ABCB4: variants seen among roughly 807,000 people sequenced by gnomAD.
The protein encoded by ABCB4 is ATP binding cassette subfamily B member 4.
A neutral mutation model predicts 145.7 loss-of-function variants in ABCB4; 76 were observed. The ratio of observed to expected loss-of-function variants is 0.52; its 90% CI spans 0.43 to 0.63. The LOEUF (loss-of-function observed/expected upper bound fraction) is 0.63. Ranked by LOEUF, ABCB4 falls within the 30% of genes least tolerant of loss-of-function variation. The pLI, the probability that ABCB4 is intolerant of heterozygous loss-of-function variation, is 0.00. For missense variants in ABCB4, 1,234 were observed against 1,553.1 expected (o/e 0.79, Z 3.45); for synonymous variants, 517 against 566.8 (o/e 0.91, Z 1.25).
the ABCB4 span, among the ~76,000 whole-genome samples, chr7:87,366,791 T>G: frequency 6.6e-6 from 1 of 152,176 alleles, no homozygotes; most frequent in African/African-American, 2.4e-5. Context: ...TTGTCTTTTC[T>G]CTACATATCA....
Position 87,431,431 on chromosome 7 carries a change from C to A in ABCB4, c.1866G>T (p.Gly622=), listed in dbSNP as rs761626166. ...GSHSELMKKE[G]VYFKLVNMQT... ...GCATGTTGACAAGTTTGAAGTACAC[C>A]CCTTCCTTCTTCATCAGTTCGCTGT... The change falls in exon 15 of 28, where the codon GGG becomes GGT. Residue 622 remains glycine, a synonymous_variant. Coordinates refer to ENST00000649586, the MANE Select transcript of ABCB4 (RefSeq NM_000443.4). The A allele has an allele frequency of 6.2e-6, 10 of 1,613,896 alleles. No individual in the cohort carries two copies. Among genetic ancestry groups the A allele is most frequent in the Non-Finnish European group, 6.8e-6 (8 of 1,179,974 alleles).
At chr7:87,398,113 T>TC (rs1425403423), downstream of ABCB4, among the ~76,000 whole-genome samples, 1 of 151,910 alleles carries the variant, frequency 6.6e-6, no homozygotes, top group African/African-American at 2.4e-5. Context: ...CTTTTTTTTT[T>TC]TTTCAAACTT....
chr7:87,378,806 T>C, the ABCB4 span, among the ~76,000 whole-genome samples: 2 of 152,160 alleles, frequency 1.3e-5, no homozygotes, highest in African/African-American at 4.8e-5. Context: ...ATCAGTCTCA[T>C]TCAAACCACT....
intron 27 of ABCB4, 59 bp downstream of exon 27, chr7:87,403,076 A>G: frequency 6.3e-7 from 1 of 1,582,516 alleles, no homozygotes; most frequent in Non-Finnish European, 8.7e-7. Flanking sequence ...CATGGTTGAC[A>G]GCAAAATCCC....
At chr7:87,454,514 T>G (rs1811982592) in intron 5 of ABCB4, 21 bp downstream of exon 5, 1 of 1,567,804 alleles carries the variant, frequency 6.4e-7, no homozygotes, top group Non-Finnish European at 8.8e-7. Context: ...TTTAAAAAAG[T>G]AGACCATATA....
chr7:87,454,658 T>G, intron 4 of ABCB4, 66 bp from the exon 5 acceptor site: 1 of 1,155,274 alleles, frequency 8.7e-7, no homozygotes, highest in South Asian at 1.4e-5. Context: ...GCCAGGTTTT[T>G]AAAAATCTGT....
intron 10 of ABCB4, among the ~76,000 whole-genome samples, chr7:87,444,117 A>G (rs900863953): frequency 2.6e-5 from 4 of 152,216 alleles, no homozygotes; most frequent in African/African-American, 9.6e-5. Flanking sequence ...ATTGATATAT[A>G]TTATAGCCAA....
chr7:87,396,701 AAG>A (rs1554395148), downstream of ABCB4, among the ~76,000 whole-genome samples: 1 of 151,428 alleles, frequency 6.6e-6, no homozygotes, highest in African/African-American at 2.4e-5. Context: ...AAAAAAAAAA[AAG>A]TTGTTAAATA....
chr7:87,447,833 T>G (rs890409650), intron 8 of ABCB4, among the ~76,000 whole-genome samples: 1 of 152,250 alleles, frequency 6.6e-6, no homozygotes, highest in African/African-American at 2.4e-5. Flanking sequence ...TTCCAGACTT[T>G]AGTTTCATAT....
chr7:87,391,464 C>T, the ABCB4 span: 1 of 866,364 alleles, frequency 1.2e-6, no homozygotes, highest in Non-Finnish European at 1.7e-6. Context: ...TGTTGAAAGT[C>T]TCCAACCTAT....
chr7:87,394,552 A>AT, the ABCB4 span, among the ~76,000 whole-genome samples: 2 of 31,886 alleles, frequency 6.3e-5, no homozygotes, highest in Admixed American at 6.4e-4. Context: ...TATAAGTACT[A>AT]TTTAAAAAAA....
intron 24 of ABCB4, 124 bp from the exon 25 acceptor site, chr7:87,408,358 G>A: frequency 1.0e-6 from 1 of 1,003,794 alleles, no homozygotes; most frequent in Non-Finnish European, 1.5e-6. Context: ...ATTTGGTATA[G>A]TTCTGGTGCC....
chr7:87,451,600 A>T, intron 7 of ABCB4, 23 bp downstream of exon 7: 1 of 1,613,938 alleles, frequency 6.2e-7, no homozygotes, highest in Non-Finnish European at 8.5e-7. Flanking sequence ...TAACACACAT[A>T]AAAAGGCCCA....
At chr7:87,468,165 G>T (rs975909386) in intron 3 of ABCB4, among the ~76,000 whole-genome samples, 3 of 151,966 alleles carry the variant, frequency 2.0e-5, no homozygotes, top group African/African-American at 7.3e-5. Flanking sequence ...CAATAAAGAA[G>T]AAAAGAGAGA....
At chr7:87,444,228 T>C (rs1030669553) in intron 10 of ABCB4, among the ~76,000 whole-genome samples, 1 of 152,158 alleles carries the variant, frequency 6.6e-6, no homozygotes, top group African/African-American at 2.4e-5. Context: ...TATTTAGAAA[T>C]AATGTAAACT....
intron 16 of ABCB4, 104 bp downstream of exon 16, chr7:87,426,646 G>A (rs1413341568): frequency 8.7e-7 from 1 of 1,152,326 alleles, no homozygotes; most frequent in African/African-American, 1.5e-5. Context: ...ATGGCTCATA[G>A]TAGCAGTCAT....
At chr7:87,371,895 G>C in the ABCB4 span, among the ~76,000 whole-genome samples, 2 of 151,768 alleles carry the variant, frequency 1.3e-5, no homozygotes, top group Admixed American at 6.6e-5. Flanking sequence ...TTGGAAGGCT[G>C]GGGTGGGAGG....
chr7:87,434,210 G>C (rs1810452814), intron 14 of ABCB4, among the ~76,000 whole-genome samples: 1 of 150,066 alleles, frequency 6.7e-6, no homozygotes, highest in African/African-American at 2.5e-5. Context: ...CCAAAGTTGT[G>C]GGATTACAGG....
At position 87,417,649 on chromosome 7, in the gene ABCB4, C is replaced by T. The variant is rs45480199; in HGVS notation, c.2479-134G>A. On this transcript the variant is annotated intron_variant, in intron 20 of 27. Transcript: ENST00000649586. ...TTGGCTTACTTTCATTACAATAAAC[C>T]CACAACACCTGTGCTTAACTCATGA... The T allele has an allele frequency of 6.6e-4, 488 of 743,800 alleles. 1 individual carries two copies. Among genetic ancestry groups the T allele is most frequent in the Non-Finnish European group, 1.0e-3 (420 of 418,274 alleles). 46.1% of individuals were successfully genotyped at this position (743,800 alleles called of 1,614,324 possible). A position where few individuals can be genotyped will look rare whatever the true frequency, so the allele number is the denominator to read the frequency against.
Sources: gnomAD v4.1 joint callset for allele counts (sites outside exome capture counted in the v4.1 genomes callset) on GRCh38, gnomAD v4.1.1 for gene constraint, MANE v1.5 for transcripts, NCBI Gene and HGNC (gene_info 2026-07-23, HGNC 2026-07-21) for gene names.